The following ZNF608 variants were observed in gnomAD, a reference collection of about 807,000 sequenced individuals.
ZNF608 encodes the protein renal carcinoma antigen NY-REN-36.
In ZNF608, 12 loss-of-function variants were observed where a neutral mutation model predicts 109.0. That is an observed-to-expected ratio of 0.11 (90% confidence interval 0.07 to 0.18). ZNF608 has a LOEUF of 0.18. ZNF608 is among the 10% of genes least tolerant of loss of function. ZNF608 has a pLI of 1.00. For synonymous variants in ZNF608, 732 were observed against 717.4 expected (o/e 1.02, Z -0.33); for missense variants, 1,707 against 1,879.3 (o/e 0.91, Z 1.70).
At chr5:124,639,235 A>G in intron 8 of ZNF608, 21 bp from the exon 9 acceptor site, 2 of 1,610,868 alleles carry the variant, frequency 1.2e-6, no homozygotes, top group Non-Finnish European at 8.5e-7. Flanking sequence ...AAAAATGTAG[A>G]GTGTCTGTGA....
chr5:124,739,301 G>A (rs904887269), intron 2 of ZNF608, among the ~76,000 whole-genome samples: 4 of 152,048 alleles, frequency 2.6e-5, no homozygotes, highest in Non-Finnish European at 5.9e-5. Context: ...TAAAAGTCAA[G>A]GACTCAAAAG....
intron 2 of ZNF608, among the ~76,000 whole-genome samples, chr5:124,720,118 C>T (rs1753847992): frequency 6.6e-6 from 1 of 152,092 alleles, no homozygotes; most frequent in Admixed American, 6.5e-5. Context: ...CAGCTAGATG[C>T]CAGGCACTGT....
chr5:124,679,868 G>T (rs1444419629), intron 3 of ZNF608, among the ~76,000 whole-genome samples: 1 of 152,154 alleles, frequency 6.6e-6, no homozygotes, highest in East Asian at 1.9e-4. Context: ...GTGCTTATGA[G>T]ATCTGTCTTT....
intron 2 of ZNF608, among the ~76,000 whole-genome samples, chr5:124,732,579 C>T (rs1271156549): frequency 6.6e-6 from 1 of 151,688 alleles, no homozygotes; most frequent in African/African-American, 2.4e-5. Flanking sequence ...GACATTCAGG[C>T]TGCCAGGCAA....
At chr5:124,649,730 G>A (rs770229210) in intron 3 of ZNF608, 33 bp from the exon 4 acceptor site, 14 of 1,364,378 alleles carry the variant, frequency 1.0e-5, no homozygotes, top group Admixed American at 2.1e-5. Flanking sequence ...AAGGATCATA[G>A]TTACCACTGA....
chr5:124,733,239 T>TTC (rs1161064539), intron 2 of ZNF608, among the ~76,000 whole-genome samples: 38 of 146,950 alleles, frequency 2.6e-4, no homozygotes, highest in Non-Finnish European at 5.1e-4. Flanking sequence ...TTTTTTTTTT[T>TTC]TCTGTTTGGC....
intron 2 of ZNF608, among the ~76,000 whole-genome samples, chr5:124,723,607 G>A (rs922730137): frequency 6.6e-6 from 1 of 152,144 alleles, no homozygotes; most frequent in Non-Finnish European, 1.5e-5. Flanking sequence ...AGAATCACTT[G>A]AACCCAGGAG....
At chr5:124,733,944 A>G (rs965699749) in intron 2 of ZNF608, among the ~76,000 whole-genome samples, 4 of 152,198 alleles carry the variant, frequency 2.6e-5, no homozygotes, top group Non-Finnish European at 4.4e-5. Context: ...TCCTGATTAG[A>G]GATTCAAAGT....
upstream of ZNF608, chr5:124,746,649 T>G: frequency 2.0e-6 from 2 of 985,288 alleles, no homozygotes; most frequent in Non-Finnish European, 2.4e-6. Context: ...CGAGACAGAA[T>G]GTGCTAACAT....
intron 3 of ZNF608, among the ~76,000 whole-genome samples, chr5:124,697,755 C>G (rs946401548): frequency 1.3e-5 from 2 of 152,110 alleles, no homozygotes; most frequent in African/African-American, 4.8e-5. Context: ...ACACAAGAAA[C>G]AATTAAGTAT....
chr5:124,715,216 T>C (rs115184920), intron 2 of ZNF608, among the ~76,000 whole-genome samples: 2,079 of 152,290 alleles, frequency 0.014, 43 homozygotes, highest in African/African-American at 0.047. Context: ...ATAAATGTTA[T>C]TAACCATTTA....
intron 3 of ZNF608, among the ~76,000 whole-genome samples, chr5:124,679,362 C>T (rs964338238): frequency 4.6e-5 from 7 of 151,516 alleles, no homozygotes; most frequent in African/African-American, 1.7e-4. Flanking sequence ...TCCTTCCCTT[C>T]CCTTCCTTCC....
intron 2 of ZNF608, among the ~76,000 whole-genome samples, chr5:124,717,013 C>T (rs965083079): frequency 6.6e-6 from 1 of 152,012 alleles, no homozygotes; most frequent in East Asian, 1.9e-4. Flanking sequence ...ACCTGGGAGA[C>T]GGAGGTTGCA....
intron 3 of ZNF608, among the ~76,000 whole-genome samples, chr5:124,690,794 TA>T (rs1289272650): frequency 6.6e-6 from 1 of 151,686 alleles, no homozygotes; most frequent in African/African-American, 2.4e-5. Flanking sequence ...AACATGTAAC[TA>T]AAAAGATTCC....
At chr5:124,672,419 A>AT (rs1255353844) in intron 3 of ZNF608, among the ~76,000 whole-genome samples, 2 of 152,360 alleles carry the variant, frequency 1.3e-5, no homozygotes, top group East Asian at 3.9e-4. Context: ...AAACTAATCT[A>AT]ACTATGCCCT....
At chr5:124,705,996 C>T (rs1753244134) in intron 2 of ZNF608, among the ~76,000 whole-genome samples, 1 of 152,242 alleles carries the variant, frequency 6.6e-6, no homozygotes, top group African/African-American at 2.4e-5. Flanking sequence ...CAGGTCCCTG[C>T]CCTTCTGGAC....
chr5:124,690,695 AC>A (rs11336047), intron 3 of ZNF608, among the ~76,000 whole-genome samples: 29,669 of 151,480 alleles, frequency 0.2, 2,859 homozygotes, highest in African/African-American at 0.22. Context: ...AAAAACACAA[AC>A]AAAAAAAACC....
At chr5:124,730,973 A>G (rs1748868015) in intron 2 of ZNF608, among the ~76,000 whole-genome samples, 1 of 152,256 alleles carries the variant, frequency 6.6e-6, no homozygotes, top group South Asian at 2.1e-4. Flanking sequence ...ACTGTAGAGC[A>G]ATTTCAAGAT....
chr5:124,731,693 G>A (rs1748910528), intron 2 of ZNF608, among the ~76,000 whole-genome samples: 1 of 152,068 alleles, frequency 6.6e-6, no homozygotes, highest in Admixed American at 6.5e-5. Context: ...AGGCGTGCTG[G>A]TGGGTGTCTG....
Sources: allele counts gnomAD v4.1 joint callset (sites outside exome capture counted in the v4.1 genomes callset), GRCh38; gene constraint gnomAD v4.1.1; transcripts MANE v1.5; gene names NCBI Gene and HGNC (gene_info 2026-07-23, HGNC 2026-07-21).